The following FZD3 variants were observed in gnomAD, a reference collection of about 807,000 sequenced individuals.
FZD3 encodes frizzled class receptor 3, also known as frizzled-3.
FZD3 carries 30 observed loss-of-function variants against 60.7 expected under a neutral mutation model. The observed-to-expected ratio is 0.49, with a 90% CI of 0.37 to 0.67. The LOEUF is 0.67. FZD3 is among the 30% of genes least tolerant of loss of function. The pLI, the probability that FZD3 is intolerant of heterozygous loss-of-function variation, is 0.00. For synonymous variants in FZD3, 246 were observed against 275.2 expected (o/e 0.89, Z 1.05); for missense variants, 605 against 838.7 (o/e 0.72, Z 3.44).
intron 3 of FZD3, among the ~76,000 whole-genome samples, chr8:28,508,782 A>G (rs898085917): frequency 4.6e-5 from 7 of 152,064 alleles, no homozygotes; most frequent in African/African-American, 1.7e-4. Context: ...GCCTTGGCCT[A>G]CCAAAGTGCT....
intron 5 of FZD3, among the ~76,000 whole-genome samples, chr8:28,549,143 T>C (rs1805357730): frequency 6.6e-6 from 1 of 152,190 alleles, no homozygotes; most frequent in African/African-American, 2.4e-5. Context: ...CACATGGCCT[T>C]TCTGTGTGTG....
chr8:28,544,218 T>C (rs1306826022), intron 5 of FZD3, among the ~76,000 whole-genome samples: 1 of 152,176 alleles, frequency 6.6e-6, no homozygotes, highest in African/African-American at 2.4e-5. Context: ...CAACCTGTTT[T>C]ATCTGCTACA....
intron 3 of FZD3, among the ~76,000 whole-genome samples, chr8:28,515,136 G>T (rs1804390276): frequency 6.6e-6 from 1 of 152,196 alleles, no homozygotes; most frequent in African/African-American, 2.4e-5. Flanking sequence ...TAGGATTGTT[G>T]TGAAGGTTAA....
intron 3 of FZD3, among the ~76,000 whole-genome samples, chr8:28,518,266 C>G (rs1045138064): frequency 4.0e-5 from 6 of 151,172 alleles, no homozygotes; most frequent in African/African-American, 1.5e-4. Context: ...CTGTTTTGCC[C>G]AGGCTGGTCT....
At chr8:28,558,663 G>A (rs759607822) in intron 7 of FZD3, among the ~76,000 whole-genome samples, 4 of 151,958 alleles carry the variant, frequency 2.6e-5, no homozygotes, top group East Asian at 1.9e-4. Context: ...AACTCCTGGC[G>A]TCAAGTGATC....
chr8:28,547,231 A>G (rs1378067050), intron 5 of FZD3, among the ~76,000 whole-genome samples: 2 of 152,160 alleles, frequency 1.3e-5, no homozygotes, highest in East Asian at 3.8e-4. Flanking sequence ...TTGTCATTTA[A>G]TGATATATTT....
At chr8:28,538,204 C>T (rs1361784228) in intron 5 of FZD3, among the ~76,000 whole-genome samples, 1 of 151,340 alleles carries the variant, frequency 6.6e-6, no homozygotes, top group African/African-American at 2.4e-5. Context: ...TGAATTCTAA[C>T]CTATCACTAT....
At chr8:28,525,747 A>G (rs1216657983) in intron 4 of FZD3, among the ~76,000 whole-genome samples, 1 of 152,142 alleles carries the variant, frequency 6.6e-6, no homozygotes, top group Admixed American at 6.6e-5. Flanking sequence ...TTAAAGGATT[A>G]CCTTGGCTGC....
chr8:28,564,631 C>G lies in FZD3; in HGVS notation c.*1620C>G, dbSNP rs1000299472. 6.6e-6 allele frequency: 1 copy of G among 152,116 alleles called. No individual in the cohort carries two copies. Among genetic ancestry groups the G allele is most frequent in the Non-Finnish European group, 1.5e-5 (1 of 68,018 alleles). 9.4% of individuals were successfully genotyped at this position (152,116 alleles called of 1,614,324 possible). On this transcript the variant is annotated 3_prime_UTR_variant, in exon 8 of 8. Coordinates refer to ENST00000240093, the MANE Select transcript of FZD3 (RefSeq NM_017412.4). Reference sequence around the variant, plus strand: ...GTTGTTCTGCACCTGATGCCAAATTCTGGGCTGTACTCCTAGAGAGACTTA... The same window carrying G: ...GTTGTTCTGCACCTGATGCCAAATTGTGGGCTGTACTCCTAGAGAGACTTA...
At chr8:28,532,929 A>T (rs945593906) in intron 5 of FZD3, among the ~76,000 whole-genome samples, 1 of 152,178 alleles carries the variant, frequency 6.6e-6, no homozygotes, top group Non-Finnish European at 1.5e-5. Context: ...CTCTGTCCTC[A>T]TATCTTTGAA....
In FZD3 at chr8:28,536,132, G is replaced by C. The variant is rs573634263; in HGVS notation, c.1404+7968G>C. ...TCGATATTAACTCCTGTTATTACAA[G>C]TACATAATTCTTGAGGCTTTACAAA... On this transcript the variant is annotated intron_variant, in intron 5 of 7. Coordinates refer to ENST00000240093, the MANE Select transcript of FZD3 (RefSeq NM_017412.4). Among the ~76,000 whole-genome samples, 18 of 152,288 alleles carry C rather than the reference G, an allele frequency of 1.2e-4. No homozygotes were observed. The South Asian group carries it at 3.3e-3, about 28-fold the overall frequency.
chr8:28,558,404 A>G lies in FZD3; in HGVS notation c.1787+2433A>G, dbSNP rs575797665. Among the ~76,000 whole-genome samples the G allele has an allele frequency of 4.6e-5, 7 of 150,996 alleles. No individual in the cohort carries two copies. In the South Asian group the frequency reaches 1.5e-3, roughly 32 times the overall value. ...AGCTTTATTTGACGTTATTGGCCTT[A>G]TCCTTTCTTTATTTCTTTCTTTTAT... On this transcript the variant is annotated intron_variant, in intron 7 of 7. Coordinates refer to ENST00000240093, the MANE Select transcript of FZD3 (RefSeq NM_017412.4).
intron 5 of FZD3, among the ~76,000 whole-genome samples, chr8:28,542,230 C>A (rs986815767): frequency 1.3e-5 from 2 of 150,592 alleles, no homozygotes; most frequent in African/African-American, 4.9e-5. Context: ...TGTTATTGTT[C>A]TTCAGAGACA....
At chr8:28,509,013 ACTT>A (rs1045932472) in intron 3 of FZD3, among the ~76,000 whole-genome samples, 2 of 152,054 alleles carry the variant, frequency 1.3e-5, no homozygotes, top group African/African-American at 4.8e-5. Flanking sequence ...ATTTCTTTAT[ACTT>A]CTTTTTGTCC....
intron 4 of FZD3, among the ~76,000 whole-genome samples, chr8:28,521,660 C>G (rs1157989126): frequency 6.6e-6 from 1 of 152,016 alleles, no homozygotes; most frequent in East Asian, 1.9e-4. Flanking sequence ...AAAATCATTC[C>G]CATGTTTGCT....
chr8:28,529,184 G>A (rs1167184150), intron 5 of FZD3, among the ~76,000 whole-genome samples: 2 of 152,016 alleles, frequency 1.3e-5, no homozygotes, highest in East Asian at 3.9e-4. Flanking sequence ...CTCCCCAGAT[G>A]CTGGTATTAA....
At position 28,545,328 on chromosome 8, in the gene FZD3, G is replaced by C. The variant is rs548331477; in HGVS notation, c.1405-6275G>C. On this transcript the variant is annotated intron_variant, in intron 5 of 7. Coordinates refer to ENST00000240093, the MANE Select transcript of FZD3 (RefSeq NM_017412.4). ...TGATTCTGTATGACCCCAAGACTTT[G>C]CTAAGATCTCTTGGAATGCTTGCTT... Among the ~76,000 whole-genome samples, 12 of 152,272 alleles carry C rather than the reference G, an allele frequency of 7.9e-5. No homozygotes were observed. In the East Asian group the frequency reaches 1.9e-3, roughly 24 times the overall value.
rs1264012492 is a variant in FZD3 at position 28,527,605 on chromosome 8, A to G, written c.845A>G (p.His282Arg). 4 of 1,613,680 alleles carry G rather than the reference A, an allele frequency of 2.5e-6. No individual in the cohort carries two copies. Among genetic ancestry groups the G allele is most frequent in the Non-Finnish European group, 3.4e-6 (4 of 1,179,572 alleles). The change falls in exon 5 of 8, where the codon CAT (histidine) becomes CGT (arginine). Residue 282 changes from histidine to arginine, a missense_variant. Physicochemically the swap from His to Arg is conservative, Grantham distance 29 (BLOSUM62 0). Transcript: ENST00000240093. This position sits in a 1 kb window ranked among gnomAD's most constrained non-coding sequence, Gnocchi z 5.0. The stretch of plus-strand genomic sequence containing the variant: ...GCTTCCACAGTGACACAAGGATCTC[A>G]TAATAAAGCCTGTACCATGCTTTTT... Reference protein sequence around the residue: ...YKASTVTQGSHNKACTMLFMI... With the variant: ...YKASTVTQGSRNKACTMLFMI...
rs77212338 is a variant in FZD3 at position 28,565,070 on chromosome 8, C to A, written c.*2059C>A. ...ATACTTTCTTTCTTACCCTTTAAAA[C>A]AAACTGCCAAGAAATTAGGTGTTGA... On this transcript the variant is annotated 3_prime_UTR_variant, in exon 8 of 8. Coordinates refer to ENST00000240093, the MANE Select transcript of FZD3 (RefSeq NM_017412.4). 1.3e-5 allele frequency: 2 copies of A among 151,732 alleles called. No homozygotes were observed. Among genetic ancestry groups the A allele is most frequent in the Admixed American group, 1.3e-4 (2 of 15,236 alleles). 9.4% of individuals were successfully genotyped at this position (151,732 alleles called of 1,614,324 possible).
Sources: allele counts gnomAD v4.1 joint callset (sites outside exome capture counted in the v4.1 genomes callset), GRCh38; gene constraint gnomAD v4.1.1; non-coding constraint Gnocchi (gnomAD v3.1); transcripts MANE v1.5; gene names NCBI Gene and HGNC (gene_info 2026-07-23, HGNC 2026-07-21).